Variants in SEPTIN10 observed in about 807,000 individuals in gnomAD.
SEPTIN10 encodes septin-10.
A neutral mutation model predicts 54.8 loss-of-function variants in SEPTIN10; 66 were observed. That is an observed-to-expected ratio of 1.21 (90% confidence interval 0.99 to 1.48). The LOEUF (loss-of-function observed/expected upper bound fraction) is 1.48. Among genes scored for constraint, SEPTIN10 ranks in the 40% most tolerant of loss-of-function variants. SEPTIN10 has a pLI of 0.00. For synonymous variants in SEPTIN10, 161 were observed against 181.0 expected (o/e 0.89, Z 0.89); for missense variants, 620 against 545.6 (o/e 1.14, Z -1.36).
At chr2:109,594,149 G>A (rs73953168) in intron 1 of SEPTIN10, among the ~76,000 whole-genome samples, 6,902 of 152,190 alleles carry the variant, frequency 0.045, 482 homozygotes, top group African/African-American at 0.15. Flanking sequence ...TAGAGAATGA[G>A]GGAAGAGAGG....
chr2:109,560,064 G>A (rs1262298669), intron 8 of SEPTIN10, among the ~76,000 whole-genome samples: 1 of 151,990 alleles, frequency 6.6e-6, no homozygotes, highest in African/African-American at 2.4e-5. Context: ...GGGACTACAG[G>A]TGCCCGCCAC....
intron 10 of SEPTIN10, chr2:109,544,791 A>G (rs1680759146): frequency 3.8e-6 from 3 of 788,714 alleles, no homozygotes. Context: ...TCTTTCAAAA[A>G]TAATTGCATG....
chr2:109,546,626 A>C (rs542410779), intron 9 of SEPTIN10, among the ~76,000 whole-genome samples: 119 of 152,304 alleles, frequency 7.8e-4, no homozygotes, highest in Non-Finnish European at 1.6e-3. Flanking sequence ...AAAAACAACA[A>C]CACTATTTTC....
intron 1 of SEPTIN10, among the ~76,000 whole-genome samples, chr2:109,612,881 A>T (rs960919831): frequency 6.6e-6 from 1 of 152,326 alleles, no homozygotes. Flanking sequence ...CTTTGGACGG[A>T]TCCTCTAATC....
intron 8 of SEPTIN10, among the ~76,000 whole-genome samples, chr2:109,554,454 C>T (rs1358975303): frequency 6.6e-6 from 1 of 152,100 alleles, no homozygotes; most frequent in Non-Finnish European, 1.5e-5. Flanking sequence ...TGGAGCCTAT[C>T]CTGGAAGCTA....
At chr2:109,563,940 G>C (rs1686283851) in intron 8 of SEPTIN10, among the ~76,000 whole-genome samples, 1 of 152,258 alleles carries the variant, frequency 6.6e-6, no homozygotes, top group Non-Finnish European at 1.5e-5. Context: ...GGGCAACATA[G>C]TAAGACCCTG....
intron 1 of SEPTIN10, among the ~76,000 whole-genome samples, chr2:109,599,222 C>A (rs574643273): frequency 8.5e-5 from 13 of 152,062 alleles, no homozygotes; most frequent in Non-Finnish European, 1.9e-4. Context: ...CTCTGGGAGG[C>A]CAAGACCGGT....
chr2:109,594,737 A>G (rs1375521036), intron 1 of SEPTIN10: 2 of 152,264 alleles, frequency 1.3e-5, no homozygotes, highest in South Asian at 2.1e-4. Context: ...GCACACACGC[A>G]CATGCACACA....
intron 9 of SEPTIN10, 88 bp from the exon 10 acceptor site, chr2:109,546,325 T>C (rs897557834): frequency 5.1e-6 from 4 of 789,684 alleles, no homozygotes; most frequent in African/African-American, 3.6e-5. Context: ...GCGGACCCCA[T>C]AGCGCAACAC....
chr2:109,590,379 G>A (rs1374962367), intron 2 of SEPTIN10, among the ~76,000 whole-genome samples: 1 of 151,838 alleles, frequency 6.6e-6, no homozygotes, highest in African/African-American at 2.4e-5. Flanking sequence ...GTCAGTCTTC[G>A]GAAGGGAGAC....
At chr2:109,545,387 C>A (rs1049439561) in intron 10 of SEPTIN10, 1 of 1,532,044 alleles carries the variant, frequency 6.5e-7, no homozygotes, top group Non-Finnish European at 8.7e-7. Flanking sequence ...ACACATACCC[C>A]AAACCTACAC....
At chr2:109,564,163 C>A (rs1573501794) in intron 8 of SEPTIN10, 1 of 424,806 alleles carries the variant, frequency 2.4e-6, no homozygotes, top group Non-Finnish European at 4.0e-6. Context: ...TTGAGTCAGA[C>A]AAGGACTTAA....
chr2:109,581,903 T>C (rs543386587), intron 4 of SEPTIN10, among the ~76,000 whole-genome samples: 1 of 152,280 alleles, frequency 6.6e-6, no homozygotes, highest in Admixed American at 6.5e-5. Flanking sequence ...GCAGACAATA[T>C]AATTTCATAC....
intron 1 of SEPTIN10, among the ~76,000 whole-genome samples, chr2:109,609,290 T>A (rs945265412): frequency 1.3e-5 from 2 of 152,120 alleles, no homozygotes; most frequent in African/African-American, 4.8e-5. Context: ...TATAAAAAAA[T>A]AATGCCTGTC....
chr2:109,578,698 C>T (rs774221158), intron 4 of SEPTIN10, among the ~76,000 whole-genome samples: 7 of 151,678 alleles, frequency 4.6e-5, no homozygotes, highest in Non-Finnish European at 1.0e-4. Context: ...ACCTGGGAGG[C>T]GGTGGTTACA....
At chr2:109,545,228 A>T in intron 10 of SEPTIN10, 1 of 985,468 alleles carries the variant, frequency 1.0e-6, no homozygotes, top group East Asian at 1.1e-4. Context: ...TGAATAGAAC[A>T]AGGCATGATG....
chr2:109,595,553 G>T (rs1302333081), intron 1 of SEPTIN10, among the ~76,000 whole-genome samples: 1 of 152,134 alleles, frequency 6.6e-6, no homozygotes, highest in African/African-American at 2.4e-5. Flanking sequence ...CAGAAATTTG[G>T]AGAAATTAGA....
chr2:109,546,872 T>C (rs989528314), intron 9 of SEPTIN10, among the ~76,000 whole-genome samples: 1 of 152,178 alleles, frequency 6.6e-6, no homozygotes, highest in African/African-American at 2.4e-5. Flanking sequence ...ATTGCCTACA[T>C]AGCCAATAAA....
intron 5 of SEPTIN10, among the ~76,000 whole-genome samples, chr2:109,572,379 C>T (rs561405598): frequency 3.3e-5 from 5 of 152,068 alleles, no homozygotes; most frequent in Non-Finnish European, 5.9e-5. Flanking sequence ...GTGACTTGCC[C>T]GCCTCGGCCT....
Sources: allele counts gnomAD v4.1 joint callset (sites outside exome capture counted in the v4.1 genomes callset), GRCh38; gene constraint gnomAD v4.1.1; transcripts MANE v1.5; gene names NCBI Gene and HGNC (gene_info 2026-07-23, HGNC 2026-07-21).